The following FLT4 variants were observed in gnomAD, a reference collection of about 807,000 sequenced individuals.
FLT4 encodes the protein vascular endothelial growth factor receptor 3.
Under a neutral mutation model 163.2 loss-of-function variants are expected in FLT4, and 30 were observed. The observed-to-expected ratio is 0.18, with a 90% CI of 0.14 to 0.25. The LOEUF (loss-of-function observed/expected upper bound fraction) is 0.25, where lower values mean the gene tolerates loss of function less well. Ranked by LOEUF, FLT4 falls within the 10% of genes least tolerant of loss-of-function variation. The pLI, the probability that FLT4 is intolerant of heterozygous loss-of-function variation, is 1.00. For missense variants in FLT4, 1,510 were observed against 1,863.8 expected (o/e 0.81, Z 3.50); for synonymous variants, 884 against 789.5 (o/e 1.12, Z -2.01).
chr5:180,619,184 GCGCCCCCTCC>G, intron 19 of FLT4, 59 bp downstream of exon 19: 1 of 1,310,514 alleles, frequency 7.6e-7, no homozygotes, highest in Non-Finnish European at 9.8e-7. Context: ...GTTTGCACCC[GCGCCCCCTCC>G]CGCCCGCGGC....
chr5:180,643,015 T>C (rs1765239101), intron 1 of FLT4, among the ~76,000 whole-genome samples: 1 of 152,204 alleles, frequency 6.6e-6, no homozygotes, highest in Non-Finnish European at 1.5e-5. Flanking sequence ...GGTTAACGCA[T>C]TCCAAAACAC....
In FLT4 at chr5:180,622,808, T is replaced by C. The variant is rs35874891; in HGVS notation, c.1580A>G (p.Asn527Ser). 4.5e-3 allele frequency: 7,183 copies of C among 1,613,484 alleles called. 292 individuals are homozygous for C. In the African/African-American group the frequency reaches 0.085, roughly 19 times the overall value. The change falls in exon 12 of 30, where the codon AAC becomes AGC. Residue 527 changes from asparagine (N) to serine (S), a missense_variant. Coordinates refer to ENST00000261937, the MANE Select transcript of FLT4 (RefSeq NM_182925.5). ...TVSKLVIQNANVSAMYKCVVS... is the reference protein window; with the variant it reads ...TVSKLVIQNASVSAMYKCVVS... ...CACACACTTGTACATGGCAGACACG[T>C]TGGCATTCTGGATCACCAGCTTGCT...
At chr5:180,640,346 T>C (rs531449256) in intron 1 of FLT4, among the ~76,000 whole-genome samples, 1 of 152,342 alleles carries the variant, frequency 6.6e-6, no homozygotes, top group Admixed American at 6.5e-5. Context: ...GGGAGCCCAG[T>C]CTGGCTGAGT....
chr5:180,605,073 ACCTCAGCCTG>A (rs954889512), intron 29 of FLT4, among the ~76,000 whole-genome samples: 4 of 152,104 alleles, frequency 2.6e-5, no homozygotes, highest in Admixed American at 6.5e-5. Flanking sequence ...CAACTCTCCC[ACCTCAGCCTG>A]CTGAGCGGCT....
chr5:180,618,510 G>T (rs1466320796), intron 21 of FLT4, among the ~76,000 whole-genome samples: 9 of 152,200 alleles, frequency 5.9e-5, no homozygotes, highest in African/African-American at 2.2e-4. Context: ...GTTGCTCTGT[G>T]GGGGCCGGGC....
Position 180,636,399 on chromosome 5 carries a change from A to T in FLT4, c.59-4621T>A, listed in dbSNP as rs1764694980. Among the ~76,000 whole-genome samples the T allele has an allele frequency of 6.6e-6, 1 of 151,972 alleles. No individual in the cohort carries two copies. The highest frequency in any genetic ancestry group is 1.5e-5 in the Non-Finnish European group (1 of 67,966). Reference sequence around the variant, plus strand: ...TACTGCCCTCCACCCCACATGCCTGAACTCCTCGCAGCCACCTGCCCTCCC... The same window carrying T: ...TACTGCCCTCCACCCCACATGCCTGTACTCCTCGCAGCCACCTGCCCTCCC... On this transcript the variant is annotated intron_variant, in intron 1 of 29. Transcript: ENST00000261937. This position sits in a 1 kb window ranked among gnomAD's most constrained non-coding sequence, Gnocchi z 4.3.
intron 12 of FLT4, among the ~76,000 whole-genome samples, chr5:180,622,206 T>C (rs956302517): frequency 6.6e-6 from 1 of 152,090 alleles, no homozygotes; most frequent in Admixed American, 6.6e-5. Context: ...GTCTCTCTGG[T>C]CACTTCTGGT....
intron 1 of FLT4, among the ~76,000 whole-genome samples, chr5:180,642,150 T>C (rs1765177961): frequency 2.1e-5 from 3 of 145,130 alleles, no homozygotes; most frequent in Admixed American, 1.4e-4. Context: ...GAGCTTGCAG[T>C]GGGCCGAGAT....
intron 22 of FLT4, 144 bp downstream of exon 22, chr5:180,616,756 G>T: frequency 1.2e-6 from 1 of 845,974 alleles, no homozygotes. Context: ...TCCATGCTTT[G>T]GGCAGAGTTT....
At chr5:180,621,372 G>A (rs1368737235) in intron 13 of FLT4, 120 bp from the exon 14 acceptor site, 7 of 1,408,772 alleles carry the variant, frequency 5.0e-6, no homozygotes, top group Non-Finnish European at 4.8e-6. Flanking sequence ...TTGTGCGCCG[G>A]GCAGGAGCGC....
At chr5:180,606,546 G>T (rs1488226848) in intron 29 of FLT4, among the ~76,000 whole-genome samples, 2 of 152,344 alleles carry the variant, frequency 1.3e-5, no homozygotes, top group African/African-American at 4.8e-5. Flanking sequence ...CTGAGCCACA[G>T]GCCTGGGCTG....
chr5:180,645,162 C>A (rs771537028), intron 1 of FLT4, among the ~76,000 whole-genome samples: 9 of 152,214 alleles, frequency 5.9e-5, no homozygotes, highest in Non-Finnish European at 1.0e-4. Context: ...TCATTTACAG[C>A]AGTCCCTTTG....
In FLT4 at chr5:180,631,765, G is replaced by T; in HGVS notation, c.72C>A (p.Gly24=). 1 of 1,609,754 alleles carries T rather than the reference G, an allele frequency of 6.2e-7. No homozygotes were observed. ...TCAAGGTCGGGGGGGTCATGGAGTAGCCACTCACCAGGCCTGGGGTGGGAG... is the reference window on the plus strand; with the variant it reads ...TCAAGGTCGGGGGGGTCATGGAGTATCCACTCACCAGGCCTGGGGTGGGAG... ...CLGLLDGLVS[G]YSMTPPTLNI... is the part of the protein sequence containing the mutation. Residue 24 remains glycine, a synonymous_variant, in exon 2 of 30, where the codon GGC becomes GGA. Transcript: ENST00000261937.
intron 1 of FLT4, among the ~76,000 whole-genome samples, chr5:180,644,258 G>A (rs1765353152): frequency 6.6e-6 from 1 of 152,244 alleles, no homozygotes; most frequent in Non-Finnish European, 1.5e-5. Flanking sequence ...GTATGTGTGG[G>A]CAGGTGTAGG....
rs2127839096 is a variant in FLT4 at position 180,630,711 on chromosome 5, G to A, written c.244C>T (p.Arg82Ter). 6.2e-7 allele frequency: 1 copy of A among 1,612,376 alleles called. No homozygotes were observed. Among genetic ancestry groups the A allele is most frequent in the Non-Finnish European group, 8.5e-7 (1 of 1,179,948 alleles). The change falls in exon 3 of 30, where the codon CGA becomes TGA. Residue 82 changes from arginine to a stop codon, truncating the protein, a stop_gained. Transcript: ENST00000261937. LOFTEE classifies it high-confidence loss of function. The surrounding 1 kb of genome is among the most constrained non-coding windows in gnomAD (Gnocchi z 6.3). ...DKDSEDTGVV[R>*]DCEGTDARPY... Reference sequence around the variant, plus strand: ...CTGGCGTCTGTGCCCTCGCAGTCTCGCACCACCCCCGTGTCCTCGCTGTCC... The same window carrying A: ...CTGGCGTCTGTGCCCTCGCAGTCTCACACCACCCCCGTGTCCTCGCTGTCC...
chr5:180,644,332 C>T (rs1419141443), intron 1 of FLT4, among the ~76,000 whole-genome samples: 5 of 152,170 alleles, frequency 3.3e-5, no homozygotes, highest in East Asian at 1.9e-4. Flanking sequence ...AGGGGCACGC[C>T]GGGCGTGTGG....
At chr5:180,638,507 C>T (rs546607456) in intron 1 of FLT4, among the ~76,000 whole-genome samples, 2 of 152,316 alleles carry the variant, frequency 1.3e-5, no homozygotes, top group Admixed American at 6.5e-5. Flanking sequence ...CTCTGGGCCC[C>T]GCTCCCTGCA....
At chr5:180,621,967 C>G (rs1275998003) in intron 12 of FLT4, 63 bp from the exon 13 acceptor site, 1 of 1,591,924 alleles carries the variant, frequency 6.3e-7, no homozygotes. Flanking sequence ...ATCCACCTGC[C>G]GCCCCGGGGT....
chr5:180,625,258 A>C, intron 10 of FLT4, among the ~76,000 whole-genome samples: 1 of 151,430 alleles, frequency 6.6e-6, no homozygotes, highest in African/African-American at 2.4e-5. Flanking sequence ...TCCTCCTCTC[A>C]CCCCCTGCTT....
Sources: gnomAD v4.1 joint callset for allele counts (sites outside exome capture counted in the v4.1 genomes callset) on GRCh38, gnomAD v4.1.1 for gene constraint, Gnocchi (gnomAD v3.1) non-coding constraint, MANE v1.5 for transcripts, NCBI Gene and HGNC (gene_info 2026-07-23, HGNC 2026-07-21) for gene names.